MAPRE2: variants seen among roughly 807,000 people sequenced by gnomAD.
MAPRE2 encodes microtubule associated protein RP/EB family member 2.
Under a neutral mutation model 43.2 loss-of-function variants are expected in MAPRE2, and 13 were observed. That is an observed-to-expected ratio of 0.30 (90% CI 0.20 to 0.48). The LOEUF (loss-of-function observed/expected upper bound fraction) is 0.48, where lower values mean the gene tolerates loss of function less well. Among genes scored for constraint, MAPRE2 ranks in the 20% least tolerant of loss-of-function variants. The pLI is 0.99. For synonymous variants in MAPRE2, 135 were observed against 148.8 expected (o/e 0.91, Z 0.68); for missense variants, 161 against 400.2 (o/e 0.40, Z 5.10).
At chr18:35,136,179 T>G (rs1910384044) in intron 6 of MAPRE2, among the ~76,000 whole-genome samples, 1 of 152,166 alleles carries the variant, frequency 6.6e-6, no homozygotes. Context: ...AGATACTTAT[T>G]CTCATTATGT....
intron 2 of MAPRE2, among the ~76,000 whole-genome samples, chr18:35,089,604 A>T (rs999879116): frequency 9.8e-5 from 15 of 152,370 alleles, no homozygotes; most frequent in African/African-American, 3.6e-4. Context: ...CCACAGTGAC[A>T]TACCACTTCA....
In MAPRE2 at chr18:35,098,618, TG is replaced by T. The variant is rs1908533961; in HGVS notation, c.396+1029del. Among the ~76,000 whole-genome samples the T allele has an allele frequency of 4.6e-5, 7 of 152,356 alleles. No individual in the cohort carries two copies. In the South Asian group the frequency reaches 1.4e-3, roughly 32 times the overall value. Reference sequence around the variant, plus strand: ...ATTTCCAACTTTATGTCCTTTGTCATGGTTAATTTCCAATTAGCTCTTTCCA... The same window carrying T: ...ATTTCCAACTTTATGTCCTTTGTCATGTTAATTTCCAATTAGCTCTTTCCA... On this transcript the variant is annotated intron_variant, in intron 3 of 6. Transcript: ENST00000300249.
chr18:35,023,280 A>G (rs2097043044), intron 2 of MAPRE2, among the ~76,000 whole-genome samples: 1 of 152,004 alleles, frequency 6.6e-6, no homozygotes, highest in Admixed American at 6.6e-5. Context: ...TGGGAGGCCG[A>G]GGTGGGTGGA....
chr18:35,045,329 T>A (rs999963035), intron 1 of MAPRE2, among the ~76,000 whole-genome samples: 1 of 152,224 alleles, frequency 6.6e-6, no homozygotes, highest in Non-Finnish European at 1.5e-5. Flanking sequence ...CTCTGCCCAC[T>A]GCATCTTTGT....
intron 1 of MAPRE2, among the ~76,000 whole-genome samples, chr18:34,992,244 C>CTA: frequency 6.6e-6 from 1 of 152,198 alleles, no homozygotes; most frequent in South Asian, 2.1e-4. Context: ...GTGGAGACAG[C>CTA]AATAGCTACT....
intron 2 of MAPRE2, among the ~76,000 whole-genome samples, chr18:35,022,575 T>G (rs992831846): frequency 7.2e-5 from 11 of 152,204 alleles, no homozygotes; most frequent in Admixed American, 3.3e-4. Context: ...TTCTTCGGGT[T>G]GCAAGATTTA....
At chr18:35,121,159 T>TGATTTGCTTC (rs1909649035) in intron 4 of MAPRE2, among the ~76,000 whole-genome samples, 1 of 152,232 alleles carries the variant, frequency 6.6e-6, no homozygotes, top group South Asian at 2.1e-4. Flanking sequence ...TCCAGTGCTT[T>TGATTTGCTTC]GATTTGCTTC....
At chr18:34,990,629 A>G (rs982659798) in intron 1 of MAPRE2, among the ~76,000 whole-genome samples, 8 of 152,292 alleles carry the variant, frequency 5.3e-5, no homozygotes, top group African/African-American at 1.9e-4. Context: ...CGTTCAGTGT[A>G]AACCACTGAT....
At chr18:35,055,535 C>CTGTGTGTGTGTGTGTGTG (rs1321118157) in intron 1 of MAPRE2, among the ~76,000 whole-genome samples, 3 of 60,226 alleles carry the variant, frequency 5.0e-5, no homozygotes, top group African/African-American at 2.4e-4. Context: ...CTATTCAGTT[C>CTGTGTGTGTGTGTGTGTG]TCTGTGTGTG....
intron 1 of MAPRE2, 74 bp downstream of exon 1, chr18:35,041,735 G>A: frequency 6.2e-7 from 1 of 1,609,734 alleles, no homozygotes; most frequent in Non-Finnish European, 8.5e-7. Flanking sequence ...GTTATATAAT[G>A]GAGCAGACAC....
rs139837378 is a variant in MAPRE2, at chr18:35,005,565, A to G, written c.-8+12A>G. 2.1e-4 allele frequency: 312 copies of G among 1,511,782 alleles called. 2 individuals carry two copies. In the East Asian group the frequency reaches 6.9e-3, roughly 33 times the overall value. 93.6% of individuals were successfully genotyped at this position (1,511,782 alleles called of 1,614,324 possible). A position where few individuals can be genotyped will look rare whatever the true frequency, so the allele number is the denominator to read the frequency against. ...CCTGGATGCTCAAGGTAAGGTTTAT[A>G]TAAATTACGTTGCATGACTCCTTGC... On this transcript the variant is annotated intron_variant, in intron 2 of 7. Coordinates refer to the MAPRE2 transcript ENST00000413393.
At position 35,097,598 on chromosome 18, in the gene MAPRE2, G is replaced by A; in HGVS notation, c.396+7G>A. On this transcript the variant is annotated splice_region_variant and intron_variant, in intron 3 of 6. Transcript: ENST00000300249. Reference sequence around the variant, plus strand: ...GCGAATGAACGTTGATAAGGTAGGAGACTTGTACCTCCATAAAATGTGTTG... The same window carrying A: ...GCGAATGAACGTTGATAAGGTAGGAAACTTGTACCTCCATAAAATGTGTTG... 1 of 1,605,282 alleles carries A rather than the reference G, an allele frequency of 6.2e-7. No homozygotes were observed. Among genetic ancestry groups the A allele is most frequent in the Non-Finnish European group, 8.5e-7 (1 of 1,176,616 alleles).
chr18:35,048,247 C>G (rs1045293483), intron 1 of MAPRE2, among the ~76,000 whole-genome samples: 26 of 152,114 alleles, frequency 1.7e-4, no homozygotes, highest in Admixed American at 1.7e-3. Flanking sequence ...TGAGAAGTCA[C>G]TCAGTGTCAT....
rs1302100331 is a variant in MAPRE2, at chr18:35,108,753, T to C, written c.610+6594T>C. On this transcript the variant is annotated intron_variant, in intron 4 of 6. Transcript: ENST00000300249. ...TGAGCTTTTTTTTTTTTTCATATGT[T>C]TGTTGGCTGTGTAAATGTCTTCTTT... Among the ~76,000 whole-genome samples, 6 of 152,138 alleles carry C rather than the reference T, an allele frequency of 3.9e-5. No homozygotes were observed. The East Asian group carries it at 1.2e-3, about 29-fold the overall frequency.
intron 6 of MAPRE2, among the ~76,000 whole-genome samples, chr18:35,137,711 G>A (rs764450293): frequency 6.6e-6 from 1 of 152,180 alleles, no homozygotes; most frequent in Non-Finnish European, 1.5e-5. Context: ...CTCAGAGCCC[G>A]GCTGGAGAGA....
chr18:35,079,867 A>C (rs1017821561), intron 2 of MAPRE2, among the ~76,000 whole-genome samples: 1 of 152,278 alleles, frequency 6.6e-6, no homozygotes, highest in Non-Finnish European at 1.5e-5. Flanking sequence ...CATTTTAGAC[A>C]AAAAGTTTGA....
chr18:34,981,244 C>CA (rs570599960), intron 1 of MAPRE2, among the ~76,000 whole-genome samples: 11 of 152,074 alleles, frequency 7.2e-5, no homozygotes, highest in South Asian at 2.1e-4. Flanking sequence ...CAAGGTGGCA[C>CA]ACACCTGTAG....
intron 1 of MAPRE2, among the ~76,000 whole-genome samples, chr18:35,058,408 A>T (rs1046341786): frequency 6.6e-5 from 10 of 151,138 alleles, no homozygotes; most frequent in Non-Finnish European, 1.2e-4. Context: ...AGGCTTGTCT[A>T]TTTTTTTTTA....
At chr18:35,109,751 C>CT (rs1057458363) in intron 4 of MAPRE2, among the ~76,000 whole-genome samples, 23 of 152,148 alleles carry the variant, frequency 1.5e-4, no homozygotes, top group African/African-American at 4.6e-4. Context: ...TCAGGTCTTG[C>CT]TTTTTTATTC....
Sources: allele counts gnomAD v4.1 joint callset (sites outside exome capture counted in the v4.1 genomes callset), GRCh38; gene constraint gnomAD v4.1.1; transcripts MANE v1.5; gene names NCBI Gene and HGNC (gene_info 2026-07-23, HGNC 2026-07-21).